Variants in SLC9A9 observed in about 807,000 individuals in gnomAD.
The protein encoded by SLC9A9 is sodium/hydrogen exchanger 9.
In SLC9A9, 62 loss-of-function variants were observed where a neutral mutation model predicts 77.8. The ratio of observed to expected loss-of-function variants is 0.80; its 90% CI spans 0.65 to 0.98. SLC9A9 has a LOEUF of 0.98. Ranked by LOEUF, SLC9A9 falls within the 50% of genes least tolerant of loss-of-function variation. The pLI, the probability that SLC9A9 is intolerant of heterozygous loss-of-function variation, is 0.00. For synonymous variants in SLC9A9, 320 were observed against 283.5 expected (o/e 1.13, Z -1.29); for missense variants, 775 against 774.9 (o/e 1.00, Z 0.00).
chr3:143,638,643 C>G (rs932824002), intron 6 of SLC9A9, among the ~76,000 whole-genome samples: 4 of 152,176 alleles, frequency 2.6e-5, no homozygotes, highest in Non-Finnish European at 5.9e-5. Flanking sequence ...CATAAACAAC[C>G]AATATTTTAA....
At chr3:143,562,152 C>T (rs1176032842) in intron 8 of SLC9A9, among the ~76,000 whole-genome samples, 1 of 152,192 alleles carries the variant, frequency 6.6e-6, no homozygotes, top group Non-Finnish European at 1.5e-5. Context: ...CTGAATAAAG[C>T]AGGCCTAGGC....
At chr3:143,395,460 A>T (rs2033702777) in intron 12 of SLC9A9, among the ~76,000 whole-genome samples, 1 of 152,250 alleles carries the variant, frequency 6.6e-6, no homozygotes. Context: ...AGATGGATTA[A>T]GGACTTAAAT....
At chr3:143,676,922 G>T (rs1463048334) in intron 5 of SLC9A9, among the ~76,000 whole-genome samples, 1 of 152,204 alleles carries the variant, frequency 6.6e-6, no homozygotes, top group Non-Finnish European at 1.5e-5. Context: ...ACTCCCACAT[G>T]GGGAGGGTTG....
chr3:143,654,430 A>T (rs2038852944), intron 5 of SLC9A9, among the ~76,000 whole-genome samples: 1 of 152,222 alleles, frequency 6.6e-6, no homozygotes, highest in Non-Finnish European at 1.5e-5. Flanking sequence ...AATGGCAGAG[A>T]TCTGCTTTTT....
chr3:143,441,374 G>A (rs1442773330), intron 12 of SLC9A9, among the ~76,000 whole-genome samples: 3 of 152,182 alleles, frequency 2.0e-5, no homozygotes, highest in Non-Finnish European at 2.9e-5. Context: ...TATGAATAAC[G>A]TGGGATCCTC....
chr3:143,639,739 T>C (rs1270262383), intron 6 of SLC9A9, among the ~76,000 whole-genome samples: 1 of 152,198 alleles, frequency 6.6e-6, no homozygotes, highest in African/African-American at 2.4e-5. Flanking sequence ...AGGATGAGGA[T>C]AAACATTTGA....
At chr3:143,342,819 C>T (rs1169672883) in intron 14 of SLC9A9, among the ~76,000 whole-genome samples, 4 of 152,168 alleles carry the variant, frequency 2.6e-5, no homozygotes, top group African/African-American at 9.7e-5. Flanking sequence ...CATGTTCAAC[C>T]TCAGGTGCAG....
At chr3:143,837,571 G>T (rs956471264) in intron 1 of SLC9A9, among the ~76,000 whole-genome samples, 1 of 152,098 alleles carries the variant, frequency 6.6e-6, no homozygotes, top group Non-Finnish European at 1.5e-5. Flanking sequence ...AAGTGTATCA[G>T]GTCCTATTGA....
intron 8 of SLC9A9, among the ~76,000 whole-genome samples, chr3:143,570,522 T>C (rs1360946707): frequency 6.6e-6 from 1 of 152,170 alleles, no homozygotes; most frequent in Non-Finnish European, 1.5e-5. Context: ...AAAATTTATA[T>C]CTCTAGCTAT....
At chr3:143,612,022 C>G (rs1004551778) in intron 6 of SLC9A9, among the ~76,000 whole-genome samples, 2 of 152,152 alleles carry the variant, frequency 1.3e-5, no homozygotes, top group African/African-American at 2.4e-5. Context: ...CCATGCCTGG[C>G]CTAGGAAACT....
At chr3:143,557,124 G>C (rs2036998607) in intron 8 of SLC9A9, among the ~76,000 whole-genome samples, 1 of 152,128 alleles carries the variant, frequency 6.6e-6, no homozygotes, top group African/African-American at 2.4e-5. Flanking sequence ...CCCCCATGCT[G>C]TTCTCATGAT....
chr3:143,352,091 C>G (rs2032469670), intron 14 of SLC9A9, among the ~76,000 whole-genome samples: 1 of 152,196 alleles, frequency 6.6e-6, no homozygotes, highest in South Asian at 2.1e-4. Flanking sequence ...ACACAGTCAG[C>G]CTTGGTCAGC....
At chr3:143,821,166 AC>A (rs1430719975) in intron 2 of SLC9A9, among the ~76,000 whole-genome samples, 1 of 152,208 alleles carries the variant, frequency 6.6e-6, no homozygotes, top group Admixed American at 6.5e-5. Context: ...GCATTTAAGC[AC>A]CACTTTAAAT....
At chr3:143,777,527 T>G (rs907273883) in intron 4 of SLC9A9, among the ~76,000 whole-genome samples, 1 of 152,208 alleles carries the variant, frequency 6.6e-6, no homozygotes, top group Non-Finnish European at 1.5e-5. Context: ...TCTAGTGAAC[T>G]TCAAACTTTT....
intron 4 of SLC9A9, among the ~76,000 whole-genome samples, chr3:143,787,824 A>C (rs1303772422): frequency 6.6e-6 from 1 of 151,510 alleles, no homozygotes; most frequent in African/African-American, 2.4e-5. Context: ...AGGTATACAA[A>C]TACAAATGAA....
chr3:143,518,316 G>T (rs9289664), intron 9 of SLC9A9: 1 of 776,920 alleles, frequency 1.3e-6, no homozygotes, highest in Non-Finnish European at 2.2e-6. Context: ...AGAAAGGGCT[G>T]TTTAACTACT....
intron 8 of SLC9A9, among the ~76,000 whole-genome samples, chr3:143,554,595 C>T (rs7647989): frequency 0.21 from 32,667 of 152,116 alleles, 3,519 homozygotes; most frequent in African/African-American, 0.23. Context: ...CTAGCAATAA[C>T]GCTTCTTTAA....
intron 9 of SLC9A9, among the ~76,000 whole-genome samples, chr3:143,545,864 T>A (rs566509135): frequency 1.3e-5 from 2 of 152,346 alleles, no homozygotes; most frequent in South Asian, 4.1e-4. Context: ...CTCTCATCTG[T>A]ATGCATTGCA....
chr3:143,705,681 T>C (rs4839654), intron 4 of SLC9A9, among the ~76,000 whole-genome samples: 145,533 of 152,320 alleles, frequency 0.96, 69,568 homozygotes, highest in East Asian at 1. Flanking sequence ...TCATTTTATT[T>C]ATATTGTGGT....
Sources: allele counts gnomAD v4.1 joint callset (sites outside exome capture counted in the v4.1 genomes callset), GRCh38; gene constraint gnomAD v4.1.1; transcripts MANE v1.5; gene names NCBI Gene and HGNC (gene_info 2026-07-23, HGNC 2026-07-21).